Variants in ITGA1 observed in about 807,000 individuals in gnomAD.
ITGA1 encodes the protein integrin alpha-1.
A neutral mutation model predicts 145.9 loss-of-function variants in ITGA1; 85 were observed. The ratio of observed to expected loss-of-function variants is 0.58; its 90% confidence interval spans 0.49 to 0.70. ITGA1 has a LOEUF of 0.70. Ranked by LOEUF, ITGA1 falls within the 30% of genes least tolerant of loss-of-function variation. The pLI is 0.00. For missense variants in ITGA1, 1,351 were observed against 1,418.7 expected (o/e 0.95, Z 0.77); for synonymous variants, 520 against 495.3 (o/e 1.05, Z -0.66).
At chr5:52,813,278 C>T (rs896833689) in intron 1 of ITGA1, among the ~76,000 whole-genome samples, 5 of 152,220 alleles carry the variant, frequency 3.3e-5, no homozygotes, top group Non-Finnish European at 7.4e-5. Flanking sequence ...TTAATATTAG[C>T]TATTAGGTTA....
intron 14 of ITGA1, among the ~76,000 whole-genome samples, chr5:52,910,958 ACACTATATATACT>A (rs1561245762): frequency 7.4e-6 from 1 of 134,464 alleles, no homozygotes; most frequent in African/African-American, 2.8e-5. Context: ...TATAGTATAT[ACACTATATATACT>A]ATATATAGTA....
intron 26 of ITGA1, among the ~76,000 whole-genome samples, 162 bp from the exon 27 acceptor site, chr5:52,944,781 C>A (rs752893623): frequency 6.6e-6 from 1 of 152,024 alleles, no homozygotes; most frequent in Non-Finnish European, 1.5e-5. Flanking sequence ...GACAAGTGCA[C>A]GGTTATTATT....
intron 14 of ITGA1, among the ~76,000 whole-genome samples, chr5:52,912,773 G>C (rs1380647882): frequency 6.7e-6 from 1 of 148,674 alleles, no homozygotes; most frequent in Non-Finnish European, 1.5e-5. Context: ...TTGAGACGGA[G>C]TCTCGCTCTG....
intron 7 of ITGA1, among the ~76,000 whole-genome samples, chr5:52,885,161 C>T (rs1001922884): frequency 6.6e-6 from 1 of 152,102 alleles, no homozygotes; most frequent in African/African-American, 2.4e-5. Context: ...GGTGTACCTC[C>T]TTCCACCTGT....
intron 28 of ITGA1, chr5:52,948,992 A>G (rs1751177141): frequency 6.6e-6 from 1 of 152,162 alleles, no homozygotes; most frequent in African/African-American, 2.4e-5. Flanking sequence ...AACTAAGCTC[A>G]TTGTTTCATC....
At chr5:52,848,876 C>T (rs1163299477) in intron 1 of ITGA1, among the ~76,000 whole-genome samples, 1 of 152,080 alleles carries the variant, frequency 6.6e-6, no homozygotes, top group Non-Finnish European at 1.5e-5. Context: ...TGGTTTCCAG[C>T]TTCATCCATG....
At chr5:52,859,983 C>T (rs1393295646) in intron 2 of ITGA1, among the ~76,000 whole-genome samples, 1 of 152,092 alleles carries the variant, frequency 6.6e-6, no homozygotes, top group African/African-American at 2.4e-5. Flanking sequence ...TCTAAATCCC[C>T]CATGCCTTTT....
At chr5:52,844,454 T>C (rs937176224) in intron 1 of ITGA1, among the ~76,000 whole-genome samples, 3 of 152,184 alleles carry the variant, frequency 2.0e-5, no homozygotes, top group Admixed American at 6.5e-5. Context: ...GATGTAAAAA[T>C]TGAATTAATA....
At chr5:52,936,624 C>G (rs1445635553) in intron 23 of ITGA1, among the ~76,000 whole-genome samples, 2 of 152,088 alleles carry the variant, frequency 1.3e-5, no homozygotes, top group Non-Finnish European at 1.5e-5. Flanking sequence ...TCTGGTTGTC[C>G]CAGTTCAGTT....
At chr5:52,852,510 G>T (rs1749445540) in intron 2 of ITGA1, among the ~76,000 whole-genome samples, 2 of 152,134 alleles carry the variant, frequency 1.3e-5, no homozygotes, top group Admixed American at 1.3e-4. Context: ...GTCAATGAAG[G>T]TGTAGGAGAG....
rs199815104 is a variant in ITGA1, at chr5:52,918,859, G to C, written c.2116G>C (p.Val706Leu). 1.1e-4 allele frequency: 170 copies of C among 1,605,308 alleles called. 1 individual carries two copies. Among genetic ancestry groups the C allele is most frequent in the Admixed American group, 2.4e-4 (14 of 58,058 alleles). ...VCINATVCFD[V>L]KLKSKEDTIY... is the part of the protein sequence containing the mutation. ...CATAAATGCTACAGTGTGTTTTGATGTGAAATTAAAGTCTAAAGAAGACAC... is the reference window on the plus strand; with the variant it reads ...CATAAATGCTACAGTGTGTTTTGATCTGAAATTAAAGTCTAAAGAAGACAC... The change falls in exon 16 of 29, where the codon GTG (valine) becomes CTG (leucine). Residue 706 changes from valine to leucine, a missense_variant. By Grantham distance (32) the Val-to-Leu change is conservative. Transcript: ENST00000282588.
At chr5:52,800,946 G>A in intron 1 of ITGA1, 1 of 1,614,200 alleles carries the variant, frequency 6.2e-7, no homozygotes, top group Non-Finnish European at 8.5e-7. Context: ...CCTTGGAGCG[G>A]TTCTATGAAC....
At chr5:52,888,298 A>C (rs956585893) in intron 8 of ITGA1, among the ~76,000 whole-genome samples, 1 of 152,078 alleles carries the variant, frequency 6.6e-6, no homozygotes, top group Admixed American at 6.5e-5. Flanking sequence ...GAAGAGGAAA[A>C]GAAGAGGAGG....
chr5:52,898,502 G>A lies in ITGA1; in HGVS notation c.1309+119G>A, dbSNP rs1750266561. 11 of 908,556 alleles carry A rather than the reference G, an allele frequency of 1.2e-5. No homozygotes were observed. In the South Asian group the frequency reaches 2.3e-4, roughly 19 times the overall value. The allele number at this position is 908,556 out of a possible 1,614,324, so 56.3% of individuals were successfully genotyped here. A position where few individuals can be genotyped will look rare whatever the true frequency, so the allele number is the denominator to read the frequency against. On this transcript the variant is annotated intron_variant, in intron 11 of 28. Transcript: ENST00000282588. Reference sequence around the variant, plus strand: ...TATAGCAGGATTATTTCAACAAGTTGGGTATTTTCCAGAACCCATGCAAAG... The same window carrying A: ...TATAGCAGGATTATTTCAACAAGTTAGGTATTTTCCAGAACCCATGCAAAG...
At chr5:52,888,111 G>A in intron 8 of ITGA1, 146 bp downstream of exon 8, 1 of 728,156 alleles carries the variant, frequency 1.4e-6, no homozygotes. Context: ...GGACAGACTT[G>A]GATCTTGCTC....
rs767748803 is a variant in ITGA1, at chr5:52,801,501, G to A, written c.61+13087G>A. On this transcript the variant is annotated intron_variant, in intron 1 of 28. Transcript: ENST00000282588. ...GCCTTTCAGACACTAAAGCTGCTGG[G>A]GAAGTCAAAGCCTTGGATGACTTCT... The A allele has an allele frequency of 5.0e-6, 8 of 1,614,038 alleles. No individual in the cohort carries two copies. In the South Asian group the frequency reaches 5.5e-5, roughly 11 times the overall value.
chr5:52,881,813 G>T, intron 6 of ITGA1, 60 bp from the exon 7 acceptor site: 6 of 1,502,152 alleles, frequency 4.0e-6, no homozygotes, highest in Non-Finnish European at 5.4e-6. Flanking sequence ...TGGTTAACCT[G>T]AAGAAATCTG....
intron 2 of ITGA1, among the ~76,000 whole-genome samples, chr5:52,850,450 T>C (rs958570731): frequency 1.3e-5 from 2 of 152,146 alleles, no homozygotes; most frequent in Admixed American, 6.5e-5. Flanking sequence ...AGCTAAACTT[T>C]AGTTTAATAA....
chr5:52,829,408 G>T (rs1749021924), intron 1 of ITGA1, among the ~76,000 whole-genome samples: 1 of 151,860 alleles, frequency 6.6e-6, no homozygotes, highest in Non-Finnish European at 1.5e-5. Flanking sequence ...AAAGAAAAAA[G>T]AAAACTACTT....
Sources: gnomAD v4.1 joint callset for allele counts (sites outside exome capture counted in the v4.1 genomes callset) on GRCh38, gnomAD v4.1.1 for gene constraint, MANE v1.5 for transcripts, NCBI Gene and HGNC (gene_info 2026-07-23, HGNC 2026-07-21) for gene names.